The following ATP8A2 variants were observed in gnomAD, a reference collection of about 807,000 sequenced individuals.
ATP8A2 encodes phospholipid-transporting ATPase IB.
ATP8A2 carries 100 observed loss-of-function variants against 165.6 expected under a neutral mutation model. The ratio of observed to expected loss-of-function variants is 0.60; its 90% CI spans 0.51 to 0.71. ATP8A2 has a LOEUF of 0.71. Among genes scored for constraint, ATP8A2 ranks in the 30% least tolerant of loss-of-function variants. The pLI, the probability that ATP8A2 is intolerant of heterozygous loss-of-function variation, is 0.00. For synonymous variants in ATP8A2, 543 were observed against 548.8 expected (o/e 0.99, Z 0.15); for missense variants, 1,227 against 1,479.5 (o/e 0.83, Z 2.80).
intron 1 of ATP8A2, among the ~76,000 whole-genome samples, chr13:25,393,926 T>C (rs151076424): frequency 0.01 from 1,556 of 152,312 alleles, 28 homozygotes; most frequent in African/African-American, 0.035. Context: ...CATGGGATCT[T>C]GGGAAAACTA....
intron 1 of ATP8A2, among the ~76,000 whole-genome samples, chr13:25,429,351 A>G (rs1454510835): frequency 1.4e-5 from 2 of 144,574 alleles, no homozygotes; most frequent in Non-Finnish European, 3.0e-5. Context: ...GCCTGGGCCC[A>G]TAACAGTGTG....
intron 1 of ATP8A2, among the ~76,000 whole-genome samples, chr13:25,451,083 T>C (rs570589130): frequency 2.0e-5 from 3 of 152,248 alleles, no homozygotes; most frequent in South Asian, 4.1e-4. Context: ...ACTCCAATTA[T>C]GTAATGCATT....
At chr13:25,560,649 G>A (rs146676363) in intron 15 of ATP8A2, among the ~76,000 whole-genome samples, 1,736 of 139,892 alleles carry the variant, frequency 0.012, 35 homozygotes, top group African/African-American at 0.043. Context: ...GCAGTGAGCC[G>A]AGATGGCACC....
chr13:26,013,680 A>AG (rs1056062014), intron 36 of ATP8A2, among the ~76,000 whole-genome samples: 1 of 35,748 alleles, frequency 2.8e-5, no homozygotes, highest in Non-Finnish European at 1.2e-4. Flanking sequence ...GTCTCAAAAA[A>AG]AAAAAAAAAG....
chr13:25,651,877 C>A (rs1417741013), intron 24 of ATP8A2, among the ~76,000 whole-genome samples: 1 of 151,846 alleles, frequency 6.6e-6, no homozygotes, highest in African/African-American at 2.4e-5. Flanking sequence ...TGATTTTAGT[C>A]AATTTTTTGT....
At chr13:25,583,098 C>T (rs1187130387) in intron 23 of ATP8A2, among the ~76,000 whole-genome samples, 1 of 152,170 alleles carries the variant, frequency 6.6e-6, no homozygotes, top group Non-Finnish European at 1.5e-5. Context: ...AGTGCAGAAT[C>T]ATCACTGCTA....
At chr13:25,883,101 G>A (rs1953034831) in intron 33 of ATP8A2, among the ~76,000 whole-genome samples, 1 of 152,164 alleles carries the variant, frequency 6.6e-6, no homozygotes, top group South Asian at 2.1e-4. Context: ...AGATCACACA[G>A]CCAGGAGTGG....
chr13:25,705,556 G>GTATAAGC (rs2043039427), intron 25 of ATP8A2, among the ~76,000 whole-genome samples: 1 of 152,176 alleles, frequency 6.6e-6, no homozygotes, highest in Admixed American at 6.5e-5. Flanking sequence ...AGATAAACAT[G>GTATAAGC]TATAAGCCTG....
intron 1 of ATP8A2, among the ~76,000 whole-genome samples, chr13:25,419,476 A>T (rs2034234158): frequency 6.7e-6 from 1 of 150,332 alleles, no homozygotes; most frequent in South Asian, 2.1e-4. Flanking sequence ...CAAAGAAACA[A>T]GGAAATATAT....
chr13:25,920,776 C>A, intron 33 of ATP8A2, among the ~76,000 whole-genome samples: 1 of 152,224 alleles, frequency 6.6e-6, no homozygotes, highest in East Asian at 1.9e-4. Flanking sequence ...TATTTATGAT[C>A]TGAGAAAAAC....
chr13:25,951,363 T>C (rs1385305404), intron 33 of ATP8A2, among the ~76,000 whole-genome samples: 1 of 152,222 alleles, frequency 6.6e-6, no homozygotes, highest in African/African-American at 2.4e-5. Context: ...AGAGACATCA[T>C]GTTGAGTGAA....
At chr13:25,840,482 G>T (rs1951726138) in intron 30 of ATP8A2, among the ~76,000 whole-genome samples, 1 of 152,162 alleles carries the variant, frequency 6.6e-6, no homozygotes, top group African/African-American at 2.4e-5. Flanking sequence ...CAGAGAAAAT[G>T]CATGCACTGC....
At chr13:25,546,513 C>CA (rs1395838148) in intron 10 of ATP8A2, among the ~76,000 whole-genome samples, 1 of 117,212 alleles carries the variant, frequency 8.5e-6, no homozygotes, top group African/African-American at 3.2e-5. Flanking sequence ...GGTTCTTCTA[C>CA]CTTTTTTTTT....
chr13:25,883,687 C>G (rs1953050911), intron 33 of ATP8A2, among the ~76,000 whole-genome samples: 1 of 152,174 alleles, frequency 6.6e-6, no homozygotes, highest in African/African-American at 2.4e-5. Flanking sequence ...AACGCTTGTC[C>G]CCTGGCTTCT....
At chr13:25,632,365 C>G (rs185810831) in intron 24 of ATP8A2, among the ~76,000 whole-genome samples, 2 of 152,098 alleles carry the variant, frequency 1.3e-5, no homozygotes, top group Non-Finnish European at 2.9e-5. Context: ...AGTCCCAACT[C>G]TCTAATCCTG....
intron 24 of ATP8A2, among the ~76,000 whole-genome samples, chr13:25,627,264 C>A (rs1004428871): frequency 6.6e-6 from 1 of 151,924 alleles, no homozygotes; most frequent in Non-Finnish European, 1.5e-5. Context: ...CAAAATGAGC[C>A]CAGTGAGGTC....
At chr13:25,616,417 C>T (rs369124288) in intron 24 of ATP8A2, among the ~76,000 whole-genome samples, 9 of 150,508 alleles carry the variant, frequency 6.0e-5, no homozygotes, top group Non-Finnish European at 1.2e-4. Context: ...CTGCAACCTC[C>T]GCCTCCTGGG....
intron 35 of ATP8A2, among the ~76,000 whole-genome samples, chr13:25,981,067 G>A (rs555473789): frequency 8.7e-4 from 133 of 152,310 alleles, no homozygotes; most frequent in African/African-American, 3.1e-3. Flanking sequence ...ATGGAAGACA[G>A]TTTGCTTTAT....
At chr13:25,740,340 T>C (rs1216389427) in intron 25 of ATP8A2, among the ~76,000 whole-genome samples, 1 of 146,028 alleles carries the variant, frequency 6.8e-6, no homozygotes, top group Non-Finnish European at 1.5e-5. Context: ...GAGAAAGACA[T>C]GATTATTTTT....
Sources: allele counts gnomAD v4.1 joint callset (sites outside exome capture counted in the v4.1 genomes callset), GRCh38; gene constraint gnomAD v4.1.1; transcripts MANE v1.5; gene names NCBI Gene and HGNC (gene_info 2026-07-23, HGNC 2026-07-21).